Variants in DNAH11 observed in about 807,000 individuals in gnomAD.
DNAH11 encodes dynein axonemal heavy chain 11, also known as axonemal beta dynein heavy chain 11.
DNAH11 carries 442 observed loss-of-function variants against 526.0 expected under a neutral mutation model. That is an observed-to-expected ratio of 0.84 (90% confidence interval 0.78 to 0.91). The LOEUF (loss-of-function observed/expected upper bound fraction) is 0.91. Ranked by LOEUF, DNAH11 falls within the 40% of genes least tolerant of loss-of-function variation. The pLI is 0.00. For missense variants in DNAH11, 6,989 were observed against 5,448.7 expected, an observed-to-expected ratio of 1.28 and a Z score of -8.90; for synonymous variants, 2,461 against 1,935.9, an observed-to-expected ratio of 1.27 and a Z score of -7.12.
At position 21,744,902 on chromosome 7, in the gene DNAH11, C is replaced by T. The variant is rs1330210517; in HGVS notation, c.8349C>T (p.Pro2783=). Residue 2783 remains proline (P), a synonymous_variant, in exon 51 of 82, where the codon CCC becomes CCT. Coordinates refer to ENST00000409508, the MANE Select transcript of DNAH11 (RefSeq NM_001277115.2). The part of the protein sequence containing the change: ...GIDSHMLLQQ[P]LIYCHFADRG... ...ATAGTCACATGCTGCTTCAACAGCCCCTCATTTATTGCCACTTTGCTGATA... is the reference window on the plus strand; with the variant it reads ...ATAGTCACATGCTGCTTCAACAGCCTCTCATTTATTGCCACTTTGCTGATA... 2 of 1,610,828 alleles carry T rather than the reference C, an allele frequency of 1.2e-6. No individual in the cohort carries two copies. The highest frequency in any genetic ancestry group is 8.5e-7 in the Non-Finnish European group (1 of 1,178,572).
At chr7:21,596,258 T>C (rs962317737) in intron 14 of DNAH11, among the ~76,000 whole-genome samples, 1 of 152,222 alleles carries the variant, frequency 6.6e-6, no homozygotes, top group Non-Finnish European at 1.5e-5. Flanking sequence ...GAAAGAAGTT[T>C]ATTCTCTCAT....
chr7:21,775,999 A>G (rs543732571), intron 56 of DNAH11, among the ~76,000 whole-genome samples: 46 of 152,334 alleles, frequency 3.0e-4, no homozygotes, highest in Non-Finnish European at 5.3e-4. Flanking sequence ...GTGGGGTACC[A>G]TCCTGGACCA....
At chr7:21,730,065 G>A (rs1785306161) in intron 45 of DNAH11, among the ~76,000 whole-genome samples, 1 of 152,218 alleles carries the variant, frequency 6.6e-6, no homozygotes, top group South Asian at 2.1e-4. Context: ...ATGGAAAACA[G>A]TATGGAGGTT....
In DNAH11 at chr7:21,620,040, T is replaced by A; in HGVS notation, c.4462T>A (p.Ser1488Thr). The part of the protein sequence containing the change: ...HYRTGIPLLK[S>T]DEQLFETLEH... ...TCGAACAGGCATTCCATTACTAAAG[T>A]CTGATGAACAACTTTTTGAAACTCT... The change falls in exon 25 of 82, where the codon TCT (serine) becomes ACT (threonine). Residue 1488 changes from serine (S) to threonine (T), a missense_variant. Ser to Thr is a moderately conservative substitution (Grantham distance 58). Coordinates refer to ENST00000409508, the MANE Select transcript of DNAH11 (RefSeq NM_001277115.2). The A allele has an allele frequency of 1.2e-6, 2 of 1,606,204 alleles. No homozygotes were observed. The highest frequency in any genetic ancestry group is 4.5e-5 in the East Asian group (2 of 44,560).
chr7:21,548,903 C>T (rs1350032469), intron 2 of DNAH11, among the ~76,000 whole-genome samples: 5 of 149,294 alleles, frequency 3.3e-5, no homozygotes, highest in African/African-American at 7.4e-5. Context: ...TTTTTTGAGA[C>T]GGAGTTTTGC....
chr7:21,726,174 C>T (rs1302764737), intron 45 of DNAH11, among the ~76,000 whole-genome samples, 190 bp downstream of exon 45: 8 of 152,066 alleles, frequency 5.3e-5, no homozygotes, highest in African/African-American at 1.2e-4. Context: ...GAAGGGGAAG[C>T]GGACACTTCA....
At chr7:21,556,268 G>A (rs962757855) in intron 2 of DNAH11, among the ~76,000 whole-genome samples, 1 of 152,134 alleles carries the variant, frequency 6.6e-6, no homozygotes, top group African/African-American at 2.4e-5. Context: ...TGAGCTGTGC[G>A]ATTTGTCACA....
chr7:21,683,375 T>A (rs1783221580), intron 31 of DNAH11, among the ~76,000 whole-genome samples: 2 of 152,246 alleles, frequency 1.3e-5, no homozygotes, highest in Admixed American at 1.3e-4. Context: ...GGTTTTAGAA[T>A]GAACTTGGTT....
intron 4 of DNAH11, among the ~76,000 whole-genome samples, chr7:21,560,870 C>T (rs1014883880): frequency 6.6e-6 from 1 of 151,978 alleles, no homozygotes; most frequent in Non-Finnish European, 1.5e-5. Context: ...ATTTAAAAAC[C>T]TAAATGCAAA....
At chr7:21,759,230 GA>G (rs1786780426) in intron 54 of DNAH11, among the ~76,000 whole-genome samples, 1 of 151,968 alleles carries the variant, frequency 6.6e-6, no homozygotes, top group Non-Finnish European at 1.5e-5. Flanking sequence ...GTTTTGTTCA[GA>G]AAAAGAAAGA....
At chr7:21,886,313 A>C (rs567383894) in intron 76 of DNAH11, among the ~76,000 whole-genome samples, 40 of 152,266 alleles carry the variant, frequency 2.6e-4, no homozygotes, top group African/African-American at 7.9e-4. Flanking sequence ...TTTAGACTAA[A>C]ATACACCAGG....
rs187173154 is a variant in DNAH11, at chr7:21,752,554, T to C, written c.8940+2190T>C. ...TTTGTTTGTCTTTTAAATGTACTTA[T>C]GGCACATGTTTGTTTATAGGTCTGT... On this transcript the variant is annotated intron_variant, in intron 54 of 81. Coordinates refer to ENST00000409508, the MANE Select transcript of DNAH11 (RefSeq NM_001277115.2). Among the ~76,000 whole-genome samples, 356 of 152,340 alleles carry C rather than the reference T, an allele frequency of 2.3e-3. 1 individual carries two copies. Among genetic ancestry groups the C allele is most frequent in the African/African-American group, 8.3e-3 (346 of 41,580 alleles).
At chr7:21,581,779 AAAAT>A (rs1268049520) in intron 8 of DNAH11, 122 bp from the exon 9 acceptor site, 6 of 636,818 alleles carry the variant, frequency 9.4e-6, no homozygotes, top group Non-Finnish European at 1.7e-5. Flanking sequence ...GCTGCTATGA[AAAAT>A]AAATTCACTC....
chr7:21,701,245 C>G (rs1784045598), intron 36 of DNAH11, among the ~76,000 whole-genome samples: 1 of 151,628 alleles, frequency 6.6e-6, no homozygotes, highest in African/African-American at 2.4e-5. Flanking sequence ...TCAGTGCATA[C>G]ACACATGTAC....
At chr7:21,572,026 T>G in intron 8 of DNAH11, 53 bp downstream of exon 8, 1 of 1,391,274 alleles carries the variant, frequency 7.2e-7, no homozygotes, top group Non-Finnish European at 9.4e-7. Context: ...ATTTTATAGC[T>G]GAAAAGGAAG....
Position 21,868,020 on chromosome 7 carries a change from G to T in DNAH11, c.11839+13G>T. 1 of 1,506,198 alleles carries T rather than the reference G, an allele frequency of 6.6e-7. No individual in the cohort carries two copies. The highest frequency in any genetic ancestry group is 1.3e-5 in the South Asian group (1 of 74,646). 93.3% of individuals were successfully genotyped at this position (1,506,198 alleles called of 1,614,324 possible). The stretch of plus-strand genomic sequence containing the variant: ...CTGGAGATTCTTGGTGAGTGGCTGG[G>T]AGGCTCGCTGGCCCGCCCCTTCTCC... On this transcript the variant is annotated intron_variant, in intron 72 of 81. Transcript: ENST00000409508.
intron 30 of DNAH11, among the ~76,000 whole-genome samples, chr7:21,669,630 T>G (rs1469233141): frequency 2.0e-5 from 3 of 150,594 alleles, no homozygotes; most frequent in Non-Finnish European, 1.5e-5. Flanking sequence ...TAGTGCTTTT[T>G]GTGTCTTTTT....
chr7:21,896,602 T>G (rs1784523511), intron 79 of DNAH11, among the ~76,000 whole-genome samples: 1 of 152,220 alleles, frequency 6.6e-6, no homozygotes, highest in Non-Finnish European at 1.5e-5. Context: ...TCTGAAAAAG[T>G]CTTAGCACTT....
At chr7:21,721,079 C>T (rs1784858504) in intron 44 of DNAH11, among the ~76,000 whole-genome samples, 1 of 152,192 alleles carries the variant, frequency 6.6e-6, no homozygotes, top group African/African-American at 2.4e-5. Context: ...GCTGTGTCTT[C>T]TGAACTGAAA....
Sources: gnomAD v4.1 joint callset for allele counts (sites outside exome capture counted in the v4.1 genomes callset) on GRCh38, gnomAD v4.1.1 for gene constraint, MANE v1.5 for transcripts, NCBI Gene and HGNC (gene_info 2026-07-23, HGNC 2026-07-21) for gene names.